The following PDE3A variants were observed in gnomAD, a reference collection of about 807,000 sequenced individuals.
PDE3A encodes the protein phosphodiesterase 3A.
PDE3A carries 43 observed loss-of-function variants against 98.3 expected under a neutral mutation model. The ratio of observed to expected loss-of-function variants is 0.44; its 90% CI spans 0.34 to 0.56. PDE3A has a LOEUF of 0.56. Ranked by LOEUF, PDE3A falls within the 20% of genes least tolerant of loss-of-function variation. The pLI is 0.01. For synonymous variants in PDE3A, 663 were observed against 567.9 expected (o/e 1.17, Z -2.38); for missense variants, 1,427 against 1,440.7 (o/e 0.99, Z 0.15).
At chr12:20,467,302 G>A (rs994013626) in intron 1 of PDE3A, among the ~76,000 whole-genome samples, 15 of 78,878 alleles carry the variant, frequency 1.9e-4, no homozygotes, top group Admixed American at 5.8e-4. Flanking sequence ...AAGGAATGAT[G>A]ATGCTTTTTT....
At chr12:20,392,302 G>A (rs1943931365) in intron 1 of PDE3A, among the ~76,000 whole-genome samples, 1 of 151,740 alleles carries the variant, frequency 6.6e-6, no homozygotes, top group Admixed American at 6.6e-5. Context: ...AAAACTGGGA[G>A]GCAAAAACAC....
chr12:20,524,548 T>A (rs1292141099), intron 1 of PDE3A, among the ~76,000 whole-genome samples: 1 of 152,150 alleles, frequency 6.6e-6, no homozygotes, highest in South Asian at 2.1e-4. Flanking sequence ...GCTAGTTTTT[T>A]ATTTAAATTT....
chr12:20,588,494 C>T (rs888937064), intron 2 of PDE3A, among the ~76,000 whole-genome samples: 14 of 152,158 alleles, frequency 9.2e-5, no homozygotes, highest in Admixed American at 4.6e-4. Context: ...TTTCATGGAT[C>T]GTGACAGCTG....
intron 15 of PDE3A, among the ~76,000 whole-genome samples, chr12:20,669,901 T>G (rs1176667937): frequency 6.6e-6 from 1 of 152,022 alleles, no homozygotes; most frequent in Non-Finnish European, 1.5e-5. Flanking sequence ...AGACACAGAC[T>G]GGCAAATTGG....
At chr12:20,606,341 T>C (rs1943708438) in intron 2 of PDE3A, among the ~76,000 whole-genome samples, 1 of 152,212 alleles carries the variant, frequency 6.6e-6, no homozygotes, top group African/African-American at 2.4e-5. Flanking sequence ...AATAATCTGA[T>C]ATGTTACTTA....
At chr12:20,399,698 A>G (rs1217558267) in intron 1 of PDE3A, among the ~76,000 whole-genome samples, 1 of 152,210 alleles carries the variant, frequency 6.6e-6, no homozygotes, top group African/African-American at 2.4e-5. Context: ...ATTTCAAGAT[A>G]ACTTAATGCT....
At chr12:20,667,447 T>C (rs1463264393) in intron 15 of PDE3A, among the ~76,000 whole-genome samples, 1 of 152,196 alleles carries the variant, frequency 6.6e-6, no homozygotes, top group South Asian at 2.1e-4. Flanking sequence ...AGTTGATTTT[T>C]GTATATAGTG....
intron 15 of PDE3A, among the ~76,000 whole-genome samples, chr12:20,655,011 G>GA (rs1309528168): frequency 1.3e-5 from 2 of 151,546 alleles, no homozygotes; most frequent in East Asian, 1.9e-4. Flanking sequence ...GAGTTGTGGG[G>GA]AAAAAAAGAC....
At chr12:20,386,102 T>TATATATATAAATATATATAA (rs1220710518) in intron 1 of PDE3A, among the ~76,000 whole-genome samples, 1 of 14,618 alleles carries the variant, frequency 6.8e-5, no homozygotes, top group Non-Finnish European at 1.5e-4. Flanking sequence ...TATATATAAA[T>TATATATATAAATATATATAA]ATATATATAA....
chr12:20,417,262 A>C (rs1944436137), intron 1 of PDE3A, among the ~76,000 whole-genome samples: 1 of 152,194 alleles, frequency 6.6e-6, no homozygotes, highest in Non-Finnish European at 1.5e-5. Flanking sequence ...CAGTACACAA[A>C]AGTCCTGTAG....
intron 15 of PDE3A, among the ~76,000 whole-genome samples, chr12:20,678,398 C>T (rs949910995): frequency 6.6e-6 from 1 of 152,252 alleles, no homozygotes; most frequent in East Asian, 1.9e-4. Context: ...GTGGAGCAGG[C>T]AAGTACCAGA....
chr12:20,447,931 C>T (rs377643973), intron 1 of PDE3A, among the ~76,000 whole-genome samples: 2 of 152,164 alleles, frequency 1.3e-5, no homozygotes, highest in South Asian at 2.1e-4. Context: ...TTGAATTAGA[C>T]GATGCTCAGC....
intron 1 of PDE3A, chr12:20,449,574 G>A: frequency 6.6e-6 from 2 of 303,288 alleles, no homozygotes; most frequent in South Asian, 2.4e-4. Context: ...CTTCCATGTG[G>A]GGTATCTGAA....
chr12:20,411,383 G>A (rs528020008), intron 1 of PDE3A, among the ~76,000 whole-genome samples: 2 of 152,244 alleles, frequency 1.3e-5, no homozygotes, highest in East Asian at 3.9e-4. Flanking sequence ...CCTTTTAGAA[G>A]TAAAATAGGA....
chr12:20,447,753 AGAAAAT>A (rs1944981383), intron 1 of PDE3A, among the ~76,000 whole-genome samples: 1 of 152,232 alleles, frequency 6.6e-6, no homozygotes, highest in Non-Finnish European at 1.5e-5. Context: ...GAGCTGCTCT[AGAAAAT>A]TAATCAAACA....
At position 20,386,241 on chromosome 12, in the gene PDE3A, TA is replaced by T. The variant is rs58468627; in HGVS notation, c.960+16000del. On this transcript the variant is annotated intron_variant, in intron 1 of 15. Coordinates refer to ENST00000359062, the MANE Select transcript of PDE3A (RefSeq NM_000921.5). ...TATATAAAAAATAAAAATATAAATA[TA>T]AATATATTAATTATATTAATATATT... Among the ~76,000 whole-genome samples, 418 of 121,728 alleles carry T rather than the reference TA, an allele frequency of 3.4e-3. 10 individuals carry two copies. The highest frequency in any genetic ancestry group is 0.012 in the African/African-American group (394 of 32,114). The allele number at this position is 121,728 out of a possible 152,430, so 79.9% of individuals were successfully genotyped here.
intron 1 of PDE3A, among the ~76,000 whole-genome samples, chr12:20,420,634 A>AT (rs146462709): frequency 6.6e-6 from 1 of 151,902 alleles, no homozygotes; most frequent in South Asian, 2.1e-4. Flanking sequence ...TGGTTACATG[A>AT]TTTTTTTTCA....
intron 1 of PDE3A, among the ~76,000 whole-genome samples, chr12:20,446,628 T>C (rs1272441072): frequency 6.6e-6 from 1 of 152,190 alleles, no homozygotes; most frequent in African/African-American, 2.4e-5. Context: ...CTGCCTACTA[T>C]GTGCCAGACT....
intron 2 of PDE3A, among the ~76,000 whole-genome samples, chr12:20,603,200 A>G (rs1943633684): frequency 6.6e-6 from 1 of 152,106 alleles, no homozygotes; most frequent in African/African-American, 2.4e-5. Context: ...CATCTCTTAC[A>G]CTGTTTATTC....
Sources: allele counts gnomAD v4.1 joint callset (sites outside exome capture counted in the v4.1 genomes callset), GRCh38; gene constraint gnomAD v4.1.1; transcripts MANE v1.5; gene names NCBI Gene and HGNC (gene_info 2026-07-23, HGNC 2026-07-21).